The following RETSAT variants were observed in gnomAD, a reference collection of about 807,000 sequenced individuals.
RETSAT encodes the protein retinol saturase, also known as all-trans-retinol 13,14-reductase.
RETSAT carries 35 observed loss-of-function variants against 61.6 expected under a neutral mutation model. The ratio of observed to expected loss-of-function variants is 0.57; its 90% CI spans 0.43 to 0.75. The LOEUF (loss-of-function observed/expected upper bound fraction) is 0.75, where lower values mean the gene tolerates loss of function less well. RETSAT is among the 30% of genes least tolerant of loss of function. The probability of loss-of-function intolerance (pLI) is 0.00; values close to 1 mark genes in which losing one functional copy is unlikely to be tolerated. For missense variants in RETSAT, 670 were observed against 759.5 expected (o/e 0.88, Z 1.38); for synonymous variants, 277 against 310.4 (o/e 0.89, Z 1.13).
intron 5 of RETSAT, among the ~76,000 whole-genome samples, chr2:85,347,790 T>C (rs1683226252): frequency 6.6e-6 from 1 of 152,262 alleles, no homozygotes; most frequent in Non-Finnish European, 1.5e-5. Context: ...AACTTGTTCA[T>C]GGACATCAGA....
At position 85,344,276 on chromosome 2, in the gene RETSAT, T is replaced by C. The variant is rs1242398164; in HGVS notation, c.1329A>G (p.Pro443=). The change falls in exon 8 of 11, where the codon CCA becomes CCG. Residue 443 remains proline, a synonymous_variant. Coordinates refer to ENST00000295802, the MANE Select transcript of RETSAT (RefSeq NM_017750.4). ...EHIPLLFFAF[P]SAKDPTWEDR... ...CCTCCCAGGTCGGATCTTTGGCTGA[T>C]GGGAAAGCGAAGAAGAGAAGAGGGA... 1.2e-6 allele frequency: 2 copies of C among 1,613,978 alleles called. No individual in the cohort carries two copies. Among genetic ancestry groups the C allele is most frequent in the Non-Finnish European group, 1.7e-6 (2 of 1,180,028 alleles).
rs770592882 is a variant in RETSAT, at chr2:85,346,101, G to A, written c.998-7C>T. The A allele has an allele frequency of 2.2e-5, 35 of 1,608,438 alleles. No homozygotes were observed. Among genetic ancestry groups the A allele is most frequent in the Non-Finnish European group, 2.8e-5 (33 of 1,175,818 alleles). Reference sequence around the variant, plus strand: ...CCCTTCTTCACACTGACACCTGCAGGCACAAGAGCTTGGCTGAGGGTCTGT... The same window carrying A: ...CCCTTCTTCACACTGACACCTGCAGACACAAGAGCTTGGCTGAGGGTCTGT... On this transcript the variant is annotated splice_region_variant and splice_polypyrimidine_tract_variant and intron_variant, in intron 5 of 10. Transcript: ENST00000295802.
chr2:85,344,436 T>A (rs1683152848), intron 7 of RETSAT, 88 bp from the exon 8 acceptor site: 1 of 1,519,310 alleles, frequency 6.6e-7, no homozygotes, highest in Admixed American at 1.8e-5. Context: ...CCCTAGGGAC[T>A]CCCCACAGGG....
Position 85,351,757 on chromosome 2 carries a change from A to T in RETSAT, c.278T>A (p.Val93Asp). The change falls in exon 2 of 11, where the codon GTC becomes GAC. Residue 93 changes from valine to aspartate, a missense_variant. Val to Asp is a radical substitution (Grantham distance 152). Coordinates refer to ENST00000295802, the MANE Select transcript of RETSAT (RefSeq NM_017750.4). ...AAILAKAGKR[V>D]LVLEQHTKAG... ...CTTGGTATGTTGTTCCAGCACCAGG[A>T]CTCGCTTGCCAGCTTTAGCTAGAAT... 1.2e-6 allele frequency: 2 copies of T among 1,614,086 alleles called. No individual in the cohort carries two copies. Among genetic ancestry groups the T allele is most frequent in the African/African-American group, 1.3e-5 (1 of 74,998 alleles).
At chr2:85,352,405 G>A (rs942240900) in intron 1 of RETSAT, among the ~76,000 whole-genome samples, 7 of 151,840 alleles carry the variant, frequency 4.6e-5, no homozygotes, top group South Asian at 4.2e-4. Flanking sequence ...CACCACGCCC[G>A]GCTAATTTTT....
At position 85,350,851 on chromosome 2, in the gene RETSAT, A is replaced by G. The variant is rs775997653; in HGVS notation, c.526T>C (p.Tyr176His). 1 of 1,614,188 alleles carries G rather than the reference A, an allele frequency of 6.2e-7. No individual in the cohort carries two copies. Among genetic ancestry groups the G allele is most frequent in the Non-Finnish European group, 8.5e-7 (1 of 1,180,014 alleles). Reference sequence around the variant, plus strand: ...AACTTCTCCTTGAGGCCCTGAATGTAGGCTTTCTCTCCACTGTACATGGGG... The same window carrying G: ...AACTTCTCCTTGAGGCCCTGAATGTGGGCTTTCTCTCCACTGTACATGGGG... ...EYPMYSGEKA[Y>H]IQGLKEKFPQ... Residue 176 changes from tyrosine to histidine, a missense_variant, in exon 3 of 11, where the codon TAC (tyrosine) becomes CAC (histidine). Coordinates refer to ENST00000295802, the MANE Select transcript of RETSAT (RefSeq NM_017750.4).
In RETSAT at chr2:85,343,995, C is replaced by A; in HGVS notation, c.1533+4G>T. 1 of 1,613,898 alleles carries A rather than the reference C, an allele frequency of 6.2e-7. No individual in the cohort carries two copies. The highest frequency in any genetic ancestry group is 8.5e-7 in the Non-Finnish European group (1 of 1,179,864). On this transcript the variant is annotated splice_donor_region_variant and intron_variant, in intron 9 of 10. Transcript: ENST00000295802. ...GTCACCACCCCAAATACTTTACCCC[C>A]TACCTTCCCCTCCAGCTGTGGGAAC...
Position 85,354,390 on chromosome 2 carries a change from G to A in RETSAT, c.118C>T (p.Pro40Ser). ...TTGTCAGTTACCAGGGGCGCTGGGG[G>A]CCGTTTGACATCTTCGGAGAAAGGA... ...PNPFSEDVKR[P>S]PAPLVTDKEA... Residue 40 changes from proline (P) to serine (S), a missense_variant, in exon 1 of 11, where the codon CCC (proline) becomes TCC (serine). Physicochemically the swap from Pro to Ser is moderately conservative, Grantham distance 74 (BLOSUM62 -1). Transcript: ENST00000295802. The A allele has an allele frequency of 5.6e-6, 9 of 1,614,212 alleles. No homozygotes were observed. Among genetic ancestry groups the A allele is most frequent in the Non-Finnish European group, 7.6e-6 (9 of 1,180,038 alleles).
At chr2:85,344,414 A>G in intron 7 of RETSAT, 66 bp from the exon 8 acceptor site, 1 of 1,563,228 alleles carries the variant, frequency 6.4e-7, no homozygotes, top group Non-Finnish European at 8.8e-7. Context: ...AACCACTGCA[A>G]GGACTGCTTA....
chr2:85,350,165 C>T lies in RETSAT; in HGVS notation c.674G>A (p.Cys225Tyr), dbSNP rs1558683589. Reference protein sequence around the residue: ...PLPVVQLLDRCGLLTRFSPFL... With the variant: ...PLPVVQLLDRYGLLTRFSPFL... Reference sequence around the variant, plus strand: ...TGGAGAGAAACGAGTCAGCAGCCCACACCTGTCGAGGAGCTGAACCACGGG... The same window carrying T: ...TGGAGAGAAACGAGTCAGCAGCCCATACCTGTCGAGGAGCTGAACCACGGG... The change falls in exon 4 of 11, where the codon TGT (cysteine) becomes TAT (tyrosine). Residue 225 changes from cysteine (C) to tyrosine (Y), a missense_variant. Coordinates refer to ENST00000295802, the MANE Select transcript of RETSAT (RefSeq NM_017750.4). 3.1e-6 allele frequency: 5 copies of T among 1,613,972 alleles called. No homozygotes were observed. The highest frequency in any genetic ancestry group is 4.2e-6 in the Non-Finnish European group (5 of 1,180,014).
In RETSAT at chr2:85,351,023, T is replaced by C. The variant is rs756263819; in HGVS notation, c.356-2A>G. On this transcript the variant is annotated splice_acceptor_variant, in intron 2 of 10. Coordinates refer to ENST00000295802, the MANE Select transcript of RETSAT (RefSeq NM_017750.4). LOFTEE classifies it high-confidence loss of function. ...CCATACGCCCAATGTAATGGATTCC[T>C]GTTGGGAGATGGAAAAACAAGGTAG... 40 of 1,613,906 alleles carry C rather than the reference T, an allele frequency of 2.5e-5. No homozygotes were observed. The highest frequency in any genetic ancestry group is 5.9e-6 in the Non-Finnish European group (7 of 1,179,978).
At position 85,349,599 on chromosome 2, in the gene RETSAT, G is replaced by A. The variant is rs775617147; in HGVS notation, c.800-18C>T. ...GGTGACACCTGCAGAAGCAAGGAAGGGTGGTGAGCTGGCAAGAGAAGGCAC... is the reference window on the plus strand; with the variant it reads ...GGTGACACCTGCAGAAGCAAGGAAGAGTGGTGAGCTGGCAAGAGAAGGCAC... On this transcript the variant is annotated intron_variant, in intron 4 of 10. Transcript: ENST00000295802. 6.2e-7 allele frequency: 1 copy of A among 1,611,560 alleles called. No individual in the cohort carries two copies. The highest frequency in any genetic ancestry group is 1.1e-5 in the South Asian group (1 of 91,006).
Position 85,348,759 on chromosome 2 carries a change from C to CT in RETSAT, c.997+624dup, listed in dbSNP as rs540873624. 5.3e-3 allele frequency among the ~76,000 whole-genome samples: 766 copies of CT among 145,286 alleles called. 5 individuals carry two copies. Among genetic ancestry groups the CT allele is most frequent in the South Asian group, 0.036 (162 of 4,486 alleles). On this transcript the variant is annotated intron_variant, in intron 5 of 10. Transcript: ENST00000295802. ...CTTTATTTTTCTTTTCTTTTCCTTT[C>CT]TTTTTTTTTGAGATGGCGTCTCGCT... is the stretch of plus-strand genomic sequence containing the variant.
intron 1 of RETSAT, among the ~76,000 whole-genome samples, chr2:85,353,247 G>C (rs942569687): frequency 7.2e-5 from 11 of 152,340 alleles, no homozygotes; most frequent in Admixed American, 7.2e-4. Context: ...CTTGAGGCCA[G>C]GAGTTCGAGA....
rs761658607 is a variant in RETSAT, at chr2:85,344,360, A to G, written c.1257-12T>C. On this transcript the variant is annotated splice_polypyrimidine_tract_variant and intron_variant, in intron 7 of 10. Transcript: ENST00000295802. ...CGTAGCGCTCCATCCTGCATGTGAC[A>G]AGAGTGTGGTGGGATCTCCAGGTTT... is the stretch of plus-strand genomic sequence containing the variant. The G allele has an allele frequency of 5.0e-6, 8 of 1,613,044 alleles. No homozygotes were observed. The highest frequency in any genetic ancestry group is 2.7e-5 in the African/African-American group (2 of 74,890).
rs1683262159 is a variant in RETSAT, at chr2:85,349,467, G to A, written c.914C>T (p.Pro305Leu). 2.5e-6 allele frequency: 4 copies of A among 1,614,188 alleles called. No individual in the cohort carries two copies. The highest frequency in any genetic ancestry group is 2.7e-5 in the African/African-American group (2 of 75,050). Residue 305 changes from proline to leucine, a missense_variant, in exon 5 of 11, where the codon CCT becomes CTT. Transcript: ENST00000295802. ...GSSEIAFHTI[P>L]VIQRAGGAVL... ...AGCGCCCCCAGCCCGCTGAATCACA[G>A]GGATGGTGTGGAAGGCAATTTCACT...
chr2:85,345,414 G>C (rs1310580188), intron 6 of RETSAT: 1 of 222,372 alleles, frequency 4.5e-6, no homozygotes, highest in Non-Finnish European at 9.1e-6. Flanking sequence ...TCTAGCTCCT[G>C]CACCAGTCAA....
chr2:85,346,150 C>T, intron 5 of RETSAT, 56 bp from the exon 6 acceptor site: 2 of 1,568,214 alleles, frequency 1.3e-6, no homozygotes, highest in South Asian at 2.4e-5. Flanking sequence ...AAGAGAAAGG[C>T]CCACGGCCCC....
At chr2:85,348,132 C>T (rs371485896) in intron 5 of RETSAT, among the ~76,000 whole-genome samples, 1 of 152,090 alleles carries the variant, frequency 6.6e-6, no homozygotes, top group South Asian at 2.1e-4. Flanking sequence ...AGTCCCTATG[C>T]GGGTTACAGC....
Sources: gnomAD v4.1 joint callset for allele counts (sites outside exome capture counted in the v4.1 genomes callset) on GRCh38, gnomAD v4.1.1 for gene constraint, MANE v1.5 for transcripts, NCBI Gene and HGNC (gene_info 2026-07-23, HGNC 2026-07-21) for gene names.